Variants in DLG2 observed in about 807,000 individuals in gnomAD.
The protein encoded by DLG2 is discs large MAGUK scaffold protein 2.
A neutral mutation model predicts 132.5 loss-of-function variants in DLG2; 45 were observed. The observed-to-expected ratio is 0.34, with a 90% CI of 0.27 to 0.44. The LOEUF (loss-of-function observed/expected upper bound fraction) is 0.44, where lower values mean the gene tolerates loss of function less well. Among genes scored for constraint, DLG2 ranks in the 20% least tolerant of loss-of-function variants. The pLI is 1.00. For synonymous variants in DLG2, 424 were observed against 419.6 expected, an observed-to-expected ratio of 1.01 and a Z score of -0.13; for missense variants, 1,045 against 1,196.9, an observed-to-expected ratio of 0.87 and a Z score of 1.87.
intron 11 of DLG2, among the ~76,000 whole-genome samples, chr11:84,016,041 G>A (rs889524476): frequency 1.2e-4 from 18 of 152,040 alleles, no homozygotes; most frequent in African/African-American, 4.1e-4. Flanking sequence ...CTCATCAGCA[G>A]CTGTTGTTTT....
chr11:85,027,905 GGT>G (rs1369225798), intron 6 of DLG2, among the ~76,000 whole-genome samples: 1 of 152,152 alleles, frequency 6.6e-6, no homozygotes, highest in African/African-American at 2.4e-5. Flanking sequence ...GGGGGAGGGG[GGT>G]GTTTCAGCCC....
intron 3 of DLG2, among the ~76,000 whole-genome samples, chr11:85,549,070 G>A (rs138976783): frequency 6.0e-4 from 92 of 152,258 alleles, no homozygotes; most frequent in African/African-American, 2.0e-3. Context: ...TTCAGAGTCC[G>A]CCAAAACAGC....
At chr11:83,508,519 A>G (rs2094849783) in intron 21 of DLG2, among the ~76,000 whole-genome samples, 3 of 150,096 alleles carry the variant, frequency 2.0e-5, no homozygotes, top group African/African-American at 7.4e-5. Context: ...CTGGGATTAC[A>G]GGCGTGAGCC....
At chr11:83,699,678 C>A (rs1042264805) in intron 18 of DLG2, among the ~76,000 whole-genome samples, 1 of 150,862 alleles carries the variant, frequency 6.6e-6, no homozygotes, top group African/African-American at 2.4e-5. Context: ...CCACTGCACT[C>A]CAGCTTGGGT....
intron 6 of DLG2, among the ~76,000 whole-genome samples, chr11:85,040,987 T>C (rs2061813268): frequency 6.6e-6 from 1 of 151,900 alleles, no homozygotes; most frequent in Non-Finnish European, 1.5e-5. Context: ...TGTTCTTAAC[T>C]ATTACATTAT....
chr11:84,469,574 T>C (rs1164855757), intron 7 of DLG2, among the ~76,000 whole-genome samples: 1 of 151,632 alleles, frequency 6.6e-6, no homozygotes, highest in Non-Finnish European at 1.5e-5. Flanking sequence ...TATATTGTAG[T>C]AAATCAACAT....
intron 8 of DLG2, chr11:84,166,719 C>T (rs546281333): frequency 9.3e-6 from 3 of 323,156 alleles, no homozygotes; most frequent in South Asian, 8.2e-5. Context: ...AGTAATTCAC[C>T]CCTAACCATA....
intron 8 of DLG2, among the ~76,000 whole-genome samples, chr11:84,222,030 C>G (rs1208007124): frequency 6.6e-6 from 1 of 151,638 alleles, no homozygotes; most frequent in Non-Finnish European, 1.5e-5. Flanking sequence ...AATTTAAGTT[C>G]TATTTTTTTT....
chr11:84,975,212 CCTT>C (rs1204994227), intron 6 of DLG2, among the ~76,000 whole-genome samples: 2 of 152,108 alleles, frequency 1.3e-5, no homozygotes, highest in African/African-American at 4.8e-5. Context: ...ATCCATTTTC[CCTT>C]CTTCTTTACT....
At chr11:84,185,636 C>T (rs2096261419) in intron 8 of DLG2, among the ~76,000 whole-genome samples, 2 of 152,160 alleles carry the variant, frequency 1.3e-5, no homozygotes, top group South Asian at 2.1e-4. Flanking sequence ...GAGAGGGCAT[C>T]CCTGTCTTGT....
chr11:85,021,074 T>C, intron 6 of DLG2: 1 of 774,158 alleles, frequency 1.3e-6, no homozygotes, highest in South Asian at 1.3e-5. Flanking sequence ...AATCCACTTT[T>C]TGTTTTATCT....
rs1162562595 is a variant in DLG2, at chr11:85,561,331, CAAAAAAAAAAAAAAAAAAAA to C, written c.40+37306_40+37325del. Among the ~76,000 whole-genome samples, 59 of 12,514 alleles carry C rather than the reference CAAAAAAAAAAAAAAAAAAAA, an allele frequency of 4.7e-3. No homozygotes were observed. In the South Asian group the frequency reaches 0.048, roughly 10 times the overall value. The allele number at this position is 12,514 out of a possible 152,430, so 8.2% of individuals were successfully genotyped here. On this transcript the variant is annotated intron_variant, in intron 3 of 27. Coordinates refer to ENST00000376104, the MANE Select transcript of DLG2 (RefSeq NM_001142699.3). ...TAGGTGACAGAGCAAGACCCTATCT[CAAAAAAAAAAAAAAAAAAAA>C]AAAAAAAAAAAAAAAAATAGCTGTG...
Position 83,992,790 on chromosome 11 carries a change from T to C in DLG2, c.920-12148A>G, listed in dbSNP as rs557814833. 3.3e-5 allele frequency among the ~76,000 whole-genome samples: 5 copies of C among 152,194 alleles called. No homozygotes were observed. The South Asian group carries it at 1.0e-3, about 32-fold the overall frequency. ...AGGACAGTGGAGATGAATGCTAAGA[T>C]TGTAGGATAATAACAGGACACTAAA... On this transcript the variant is annotated intron_variant, in intron 11 of 27. Coordinates refer to ENST00000376104, the MANE Select transcript of DLG2 (RefSeq NM_001142699.3).
intron 5 of DLG2, 86 bp from the exon 6 acceptor site, chr11:85,111,821 G>C: frequency 1.0e-6 from 1 of 981,644 alleles, no homozygotes; most frequent in South Asian, 1.7e-5. Flanking sequence ...TTATCAATAT[G>C]TTTATTACCT....
chr11:84,932,880 A>G (rs2154092064), intron 6 of DLG2, among the ~76,000 whole-genome samples: 1 of 152,310 alleles, frequency 6.6e-6, no homozygotes, highest in Middle Eastern at 3.4e-3. Context: ...CGTACCCAGT[A>G]ATGGGATTGC....
chr11:85,583,282 C>T (rs527533438), intron 3 of DLG2, among the ~76,000 whole-genome samples: 1 of 150,188 alleles, frequency 6.7e-6, no homozygotes, highest in South Asian at 2.1e-4. Flanking sequence ...CCTCCCACCT[C>T]AGCCTCCCAA....
chr11:85,119,878 A>C (rs2074096075), intron 5 of DLG2, among the ~76,000 whole-genome samples: 1 of 152,104 alleles, frequency 6.6e-6, no homozygotes, highest in Non-Finnish European at 1.5e-5. Flanking sequence ...ATTCTTCCTG[A>C]AATTTATAAT....
chr11:84,018,122 T>G (rs1373086715), intron 11 of DLG2, among the ~76,000 whole-genome samples: 1 of 151,966 alleles, frequency 6.6e-6, no homozygotes, highest in Non-Finnish European at 1.5e-5. Context: ...CTAATTTTTT[T>G]TCTTTTCTTT....
intron 3 of DLG2, among the ~76,000 whole-genome samples, chr11:85,395,584 C>A (rs545836925): frequency 2.6e-5 from 4 of 152,192 alleles, no homozygotes; most frequent in Admixed American, 2.6e-4. Flanking sequence ...TCCTAGCAAC[C>A]AGCAGACCAG....
Sources: gnomAD v4.1 joint callset for allele counts (sites outside exome capture counted in the v4.1 genomes callset) on GRCh38, gnomAD v4.1.1 for gene constraint, MANE v1.5 for transcripts, NCBI Gene and HGNC (gene_info 2026-07-23, HGNC 2026-07-21) for gene names.